Variants in GNG12 observed in about 807,000 individuals in gnomAD.
GNG12 encodes guanine nucleotide-binding protein G(I)/G(S)/G(O) subunit gamma-12.
For synonymous variants in GNG12, 28 were observed against 29.7 expected (o/e 0.94, Z 0.19); for missense variants, 69 against 83.8 (o/e 0.82, Z 0.69).
At chr1:67,709,329 CCAA>C (rs1466985937) in intron 2 of GNG12, among the ~76,000 whole-genome samples, 1 of 152,124 alleles carries the variant, frequency 6.6e-6, no homozygotes, top group Non-Finnish European at 1.5e-5. Flanking sequence ...CTGCACCTCC[CCAA>C]CAAGTGGTCA....
intron 2 of GNG12, among the ~76,000 whole-genome samples, chr1:67,719,100 G>A (rs1001139400): frequency 9.9e-5 from 15 of 152,220 alleles, no homozygotes; most frequent in Non-Finnish European, 1.8e-4. Context: ...CCAGAGGCCC[G>A]GTGCAGAACC....
intron 1 of GNG12, among the ~76,000 whole-genome samples, chr1:67,784,013 G>A (rs988121984): frequency 1.1e-4 from 17 of 151,524 alleles, no homozygotes; most frequent in East Asian, 3.9e-4. Flanking sequence ...AGACACATGT[G>A]CATGTATGTT....
At chr1:67,766,594 T>C (rs534558998) in intron 2 of GNG12, among the ~76,000 whole-genome samples, 6 of 151,152 alleles carry the variant, frequency 4.0e-5, no homozygotes, top group Admixed American at 2.6e-4. Context: ...CTTTCAAGAA[T>C]ATATGTTGGT....
At chr1:67,748,414 A>G (rs1306002122) in intron 2 of GNG12, among the ~76,000 whole-genome samples, 1 of 152,234 alleles carries the variant, frequency 6.6e-6, no homozygotes, top group Non-Finnish European at 1.5e-5. Flanking sequence ...TTATAAAAAA[A>G]TAACAATAAT....
intron 1 of GNG12, among the ~76,000 whole-genome samples, chr1:67,822,475 G>A (rs1279451559): frequency 6.6e-6 from 1 of 152,132 alleles, no homozygotes. Context: ...TTATGAAGCT[G>A]ACACTGCAGT....
Position 67,833,444 on chromosome 1 carries a change from T to C in GNG12, c.-177A>G, listed in dbSNP as rs1647065609. 3.0e-6 allele frequency: 3 copies of C among 984,900 alleles called. No homozygotes were observed. Among genetic ancestry groups the C allele is most frequent in the Non-Finnish European group, 3.6e-6 (3 of 829,998 alleles). 61.0% of individuals were successfully genotyped at this position (984,900 alleles called of 1,614,324 possible). ...CTCCTCCTCCTCCTCCTCTTGCTCCTCCGGGCGCCGGCTCCGCCTCGCTGG... is the reference window on the plus strand; with the variant it reads ...CTCCTCCTCCTCCTCCTCTTGCTCCCCCGGGCGCCGGCTCCGCCTCGCTGG... On this transcript the variant is annotated 5_prime_UTR_variant, in exon 1 of 4. Coordinates refer to ENST00000370982, the MANE Select transcript of GNG12 (RefSeq NM_018841.6).
chr1:67,821,883 A>T (rs1335970922), intron 1 of GNG12, among the ~76,000 whole-genome samples: 1 of 151,858 alleles, frequency 6.6e-6, no homozygotes, highest in Non-Finnish European at 1.5e-5. Context: ...CGGTGTTATT[A>T]TCTCTGTTTT....
intron 2 of GNG12, among the ~76,000 whole-genome samples, chr1:67,734,523 G>A (rs1646440873): frequency 6.6e-6 from 1 of 152,222 alleles, no homozygotes; most frequent in Non-Finnish European, 1.5e-5. Flanking sequence ...GGGAAGTGAA[G>A]CACAGGAAGC....
In GNG12 at chr1:67,824,278, G is replaced by A. The variant is rs1646999215; in HGVS notation, c.-77+9066C>T. Among the ~76,000 whole-genome samples, 3 of 152,224 alleles carry A rather than the reference G, an allele frequency of 2.0e-5. No individual in the cohort carries two copies. In the South Asian group the frequency reaches 6.2e-4, roughly 32 times the overall value. ...TAATCCTAGCACTTTGGGAGGCTGAGGCTGGCAGATTGCTTGAGTCTAGGA... is the reference window on the plus strand; with the variant it reads ...TAATCCTAGCACTTTGGGAGGCTGAAGCTGGCAGATTGCTTGAGTCTAGGA... On this transcript the variant is annotated intron_variant, in intron 1 of 3. Transcript: ENST00000370982.
intron 2 of GNG12, among the ~76,000 whole-genome samples, chr1:67,733,257 T>G (rs909024992): frequency 6.6e-5 from 10 of 152,222 alleles, no homozygotes; most frequent in African/African-American, 2.4e-4. Context: ...CCTTTTCTTC[T>G]TCTTTTTTTA....
intron 2 of GNG12, among the ~76,000 whole-genome samples, chr1:67,761,881 C>T (rs1646607455): frequency 6.6e-6 from 1 of 152,002 alleles, no homozygotes; most frequent in African/African-American, 2.4e-5. Flanking sequence ...TGAGTTTAAT[C>T]ACGGCTCCAC....
intron 1 of GNG12, among the ~76,000 whole-genome samples, chr1:67,783,035 A>G (rs576652610): frequency 6.6e-6 from 1 of 152,320 alleles, no homozygotes; most frequent in African/African-American, 2.4e-5. Flanking sequence ...TCAATTTCCT[A>G]AAGTGTAAAA....
intron 2 of GNG12, among the ~76,000 whole-genome samples, chr1:67,748,620 C>T (rs955211037): frequency 1.3e-5 from 2 of 152,126 alleles, no homozygotes; most frequent in African/African-American, 4.8e-5. Context: ...TTAACATGCA[C>T]TGCCATTCTT....
At chr1:67,798,423 G>A (rs947192921) in intron 1 of GNG12, among the ~76,000 whole-genome samples, 21 of 152,130 alleles carry the variant, frequency 1.4e-4, no homozygotes, top group Non-Finnish European at 1.9e-4. Context: ...GGTCCCTGGT[G>A]CCAAAAAGGT....
intron 3 of GNG12, among the ~76,000 whole-genome samples, chr1:67,706,551 T>C (rs1387715093): frequency 1.3e-5 from 2 of 152,140 alleles, no homozygotes; most frequent in African/African-American, 2.4e-5. Flanking sequence ...AGCTGAGCCC[T>C]GTCTAGCACA....
At chr1:67,743,960 G>A (rs1646495727) in intron 2 of GNG12, among the ~76,000 whole-genome samples, 1 of 152,204 alleles carries the variant, frequency 6.6e-6, no homozygotes, top group Admixed American at 6.5e-5. Context: ...AAATAACATA[G>A]TAAGCCACTT....
In GNG12 at chr1:67,763,090, GGAGA is replaced by G. The variant is rs71064962; in HGVS notation, c.-27+14364_-27+14367del. On this transcript the variant is annotated intron_variant, in intron 2 of 3. Coordinates refer to ENST00000370982, the MANE Select transcript of GNG12 (RefSeq NM_018841.6). ...CTATATTTAACACCCTACCCTCCCA[GGAGA>G]GAGAGAGAGAGAGAGAGAGAGAGAG... is the stretch of plus-strand genomic sequence containing the variant. Among the ~76,000 whole-genome samples, 577 of 116,766 alleles carry G rather than the reference GGAGA, an allele frequency of 4.9e-3. 5 individuals are homozygous for G. Among genetic ancestry groups the G allele is most frequent in the South Asian group, 0.012 (36 of 3,038 alleles). 76.6% of individuals were successfully genotyped at this position (116,766 alleles called of 152,430 possible).
chr1:67,816,716 C>T (rs1646955416), intron 1 of GNG12, among the ~76,000 whole-genome samples: 1 of 152,210 alleles, frequency 6.6e-6, no homozygotes, highest in Non-Finnish European at 1.5e-5. Context: ...CTCAGCCGTC[C>T]TCCCAGGACA....
chr1:67,803,435 C>G (rs1021681807), intron 1 of GNG12, among the ~76,000 whole-genome samples: 5 of 151,836 alleles, frequency 3.3e-5, no homozygotes, highest in African/African-American at 1.2e-4. Context: ...TTGAGAAGCA[C>G]TGATCTGGAG....
Sources: allele counts gnomAD v4.1 joint callset (sites outside exome capture counted in the v4.1 genomes callset), GRCh38; gene constraint gnomAD v4.1.1; transcripts MANE v1.5; gene names NCBI Gene and HGNC (gene_info 2026-07-23, HGNC 2026-07-21).